BRIP1: variants seen among roughly 807,000 people sequenced by gnomAD.
BRIP1 encodes BRCA1 interacting DNA helicase 1, also known as Fanconi anemia group J protein.
In BRIP1, 88 loss-of-function variants were observed where a neutral mutation model predicts 119.7. The ratio of observed to expected loss-of-function variants is 0.74; its 90% CI spans 0.62 to 0.88. The LOEUF (loss-of-function observed/expected upper bound fraction) is 0.88, where lower values mean the gene tolerates loss of function less well. Among genes scored for constraint, BRIP1 ranks in the 40% least tolerant of loss-of-function variants. The probability of loss-of-function intolerance (pLI) is 0.00; values close to 1 mark genes in which losing one functional copy is unlikely to be tolerated. For synonymous variants in BRIP1, 443 were observed against 496.5 expected, an observed-to-expected ratio of 0.89 and a Z score of 1.43; for missense variants, 1,259 against 1,455.4, an observed-to-expected ratio of 0.87 and a Z score of 2.20.
intron 17 of BRIP1, among the ~76,000 whole-genome samples, chr17:61,696,270 A>G (rs1448578127): frequency 6.6e-6 from 1 of 150,710 alleles, no homozygotes; most frequent in Non-Finnish European, 1.5e-5. Flanking sequence ...TATTACATTA[A>G]TTGATTTTAT....
intron 11 of BRIP1, 71 bp downstream of exon 11, chr17:61,784,199 A>G: frequency 7.1e-7 from 1 of 1,404,838 alleles, no homozygotes; most frequent in Non-Finnish European, 1.0e-6. Flanking sequence ...ATAGGTATGT[A>G]TTAAACACAT....
chr17:61,784,571 A>G, intron 10 of BRIP1, 147 bp from the exon 11 acceptor site: 2 of 777,910 alleles, frequency 2.6e-6, no homozygotes, highest in Non-Finnish European at 4.2e-6. Context: ...GACTTCTCCA[A>G]ATCTGATATT....
rs2078433011 is a variant in BRIP1 at position 61,827,856 on chromosome 17, C to T, written c.628-19099G>A. On this transcript the variant is annotated intron_variant, in intron 6 of 19. Coordinates refer to ENST00000259008, the MANE Select transcript of BRIP1 (RefSeq NM_032043.3). The surrounding 1 kb of genome is among the most constrained non-coding windows in gnomAD (Gnocchi z 5.8). ...TGCAAATCAAAAACACAAGATACCACTTCACACCCTTAAAAATGGCTATTC... is the reference window on the plus strand; with the variant it reads ...TGCAAATCAAAAACACAAGATACCATTTCACACCCTTAAAAATGGCTATTC... Among the ~76,000 whole-genome samples the T allele has an allele frequency of 6.6e-6, 1 of 152,168 alleles. No individual in the cohort carries two copies. The highest frequency in any genetic ancestry group is 6.5e-5 in the Admixed American group (1 of 15,270).
chr17:61,683,426 T>A lies in BRIP1; in HGVS notation c.3620A>T (p.Asp1207Val), dbSNP rs139539831. 1.2e-6 allele frequency: 2 copies of A among 1,613,584 alleles called. No homozygotes were observed. The highest frequency in any genetic ancestry group is 1.7e-6 in the Non-Finnish European group (2 of 1,179,814). The change falls in exon 20 of 20, where the codon GAT becomes GTT. Residue 1207 changes from aspartate to valine, a missense_variant. Asp to Val is a radical substitution (Grantham distance 152, BLOSUM62 -3). Around this residue, in one of 3 missense-constraint regions of BRIP1, gnomAD observed 753 missense variants for 891.8 expected, o/e 0.84. Transcript: ENST00000259008. This position sits in a 1 kb window ranked among gnomAD's most constrained non-coding sequence, Gnocchi z 4.7. ...TGTTTTTACATTACCATCAATGTCATCAATTTTACTTTCTTCAATATGCAG... is the reference window on the plus strand; with the variant it reads ...TGTTTTTACATTACCATCAATGTCAACAATTTTACTTTCTTCAATATGCAG... Reference protein sequence around the residue: ...GILHIEESKIDDIDGNVKTTW... With the variant: ...GILHIEESKIVDIDGNVKTTW...
In BRIP1 at chr17:61,794,613, A is replaced by G. The variant is rs1432168193; in HGVS notation, c.1341-884T>C. Among the ~76,000 whole-genome samples, 2 of 151,902 alleles carry G rather than the reference A, an allele frequency of 1.3e-5. No homozygotes were observed. The highest frequency in any genetic ancestry group is 4.8e-5 in the African/African-American group (2 of 41,372). ...AGGCTTAATACCTGGGTGATGAAATAATATGTACAACAAACCCCCATAACA... is the reference window on the plus strand; with the variant it reads ...AGGCTTAATACCTGGGTGATGAAATGATATGTACAACAAACCCCCATAACA... On this transcript the variant is annotated intron_variant, in intron 9 of 19. Coordinates refer to ENST00000259008, the MANE Select transcript of BRIP1 (RefSeq NM_032043.3). This position sits in a 1 kb window ranked among gnomAD's most constrained non-coding sequence, Gnocchi z 4.3.
At position 61,780,448 on chromosome 17, in the gene BRIP1, C is replaced by G. The variant is rs4988351; in HGVS notation, c.1795-47G>C. The G allele has an allele frequency of 0.75, 1,161,824 of 1,550,092 alleles. 438,318 individuals are homozygous for G. Among genetic ancestry groups the G allele is most frequent in the African/African-American group, 0.86 (62,957 of 73,498 alleles). On this transcript the variant is annotated intron_variant, in intron 12 of 19. Transcript: ENST00000259008. This position sits in a 1 kb window ranked among gnomAD's most constrained non-coding sequence, Gnocchi z 5.4. ...TAAATAAAATTATCTTTAGAAGAGG[C>G]TGGGCAAAGTGGCTCACACCTGTAA... is the stretch of plus-strand genomic sequence containing the variant.
Position 61,827,489 on chromosome 17 carries a change from G to C in BRIP1, c.628-18732C>G, listed in dbSNP as rs978697061. On this transcript the variant is annotated intron_variant, in intron 6 of 19. Coordinates refer to ENST00000259008, the MANE Select transcript of BRIP1 (RefSeq NM_032043.3). This position sits in a 1 kb window ranked among gnomAD's most constrained non-coding sequence, Gnocchi z 5.8. ...TACACCTGTAATCTCAGTACTTTGA[G>C]AGGTAAGGCAGGAGGATCACTTGAG... Among the ~76,000 whole-genome samples the C allele has an allele frequency of 1.3e-5, 2 of 152,164 alleles. No individual in the cohort carries two copies. Among genetic ancestry groups the C allele is most frequent in the Non-Finnish European group, 2.9e-5 (2 of 68,036 alleles).
In BRIP1 at chr17:61,703,519, T is replaced by C. The variant is rs544066036; in HGVS notation, c.2493-10007A>G. The stretch of plus-strand genomic sequence containing the variant: ...TTTTTTGCTTGTCAATTTAAGTTCC[T>C]TATGGATTCTGGATATTAGACGTTT... On this transcript the variant is annotated intron_variant, in intron 17 of 19. Coordinates refer to ENST00000259008, the MANE Select transcript of BRIP1 (RefSeq NM_032043.3). This position sits in a 1 kb window ranked among gnomAD's most constrained non-coding sequence, Gnocchi z 5.0. 3.9e-5 allele frequency among the ~76,000 whole-genome samples: 6 copies of C among 152,232 alleles called. No individual in the cohort carries two copies. The highest frequency in any genetic ancestry group is 8.8e-5 in the Non-Finnish European group (6 of 68,036).
In BRIP1 at chr17:61,793,530, G is replaced by C. The variant is rs972115762; in HGVS notation, c.1473+67C>G. The C allele has an allele frequency of 2.7e-6, 4 of 1,469,744 alleles. No homozygotes were observed. The African/African-American group carries it at 4.2e-5, about 15-fold the overall frequency. 91.0% of individuals were successfully genotyped at this position (1,469,744 alleles called of 1,614,324 possible). On this transcript the variant is annotated intron_variant, in intron 10 of 19. Coordinates refer to ENST00000259008, the MANE Select transcript of BRIP1 (RefSeq NM_032043.3). This position sits in a 1 kb window ranked among gnomAD's most constrained non-coding sequence, Gnocchi z 5.2. ...TGGGTTACTCACTAGATTTAATCTGGATTTAGTCACGACTAAATCACTTCT... is the reference window on the plus strand; with the variant it reads ...TGGGTTACTCACTAGATTTAATCTGCATTTAGTCACGACTAAATCACTTCT...
In BRIP1 at chr17:61,855,218, G is replaced by C. The variant is rs557055271; in HGVS notation, c.379+1840C>G. 5.9e-5 allele frequency among the ~76,000 whole-genome samples: 9 copies of C among 152,274 alleles called. No homozygotes were observed. The South Asian group carries it at 1.9e-3, about 32-fold the overall frequency. On this transcript the variant is annotated intron_variant, in intron 4 of 19. Coordinates refer to ENST00000259008, the MANE Select transcript of BRIP1 (RefSeq NM_032043.3). ...TGGATAAAGTGAATATGGGGTTGGT[G>C]TGTATGTTCACTGTCTTGATTCTGG...
rs901255366 is a variant in BRIP1, at chr17:61,679,876, A to G, written c.*3420T>C. Among the ~76,000 whole-genome samples the G allele has an allele frequency of 3.3e-5, 5 of 152,136 alleles. No individual in the cohort carries two copies. Among genetic ancestry groups the G allele is most frequent in the African/African-American group, 1.2e-4 (5 of 41,414 alleles). On this transcript the variant is annotated 3_prime_UTR_variant, in exon 20 of 20. Coordinates refer to ENST00000259008, the MANE Select transcript of BRIP1 (RefSeq NM_032043.3). This position sits in a 1 kb window ranked among gnomAD's most constrained non-coding sequence, Gnocchi z 4.4. ...CCAGTAGTTTACTTCTTGGAATATC[A>G]TCTTGGTCAGTCATGATCTGAGGAG...
chr17:61,694,570 CTA>C (rs2061495696), intron 17 of BRIP1, among the ~76,000 whole-genome samples: 1 of 151,896 alleles, frequency 6.6e-6, no homozygotes, highest in Non-Finnish European at 1.5e-5. Flanking sequence ...TATAGTAATT[CTA>C]TGTTTAACTT....
In BRIP1 at chr17:61,689,205, G is replaced by A. The variant is rs528038124; in HGVS notation, c.2576-3040C>T. On this transcript the variant is annotated intron_variant, in intron 18 of 19. Transcript: ENST00000259008. The surrounding 1 kb of genome is among the most constrained non-coding windows in gnomAD (Gnocchi z 4.5). ...ACTACAGGCATGTACCACCACACCC[G>A]GCTAATTGTCGTATTTTTAGTAGAG... 1.3e-5 allele frequency among the ~76,000 whole-genome samples: 2 copies of A among 151,746 alleles called. No homozygotes were observed. The highest frequency in any genetic ancestry group is 2.1e-4 in the South Asian group (1 of 4,810).
chr17:61,696,432 T>C (rs1159149953), intron 17 of BRIP1, among the ~76,000 whole-genome samples: 1 of 152,114 alleles, frequency 6.6e-6, no homozygotes, highest in Non-Finnish European at 1.5e-5. Flanking sequence ...CGTAATGTAT[T>C]TTACTTGTTT....
rs2061511126 is a variant in BRIP1 at position 61,695,755 on chromosome 17, T to A, written c.2493-2243A>T. Among the ~76,000 whole-genome samples, 1 of 152,300 alleles carries A rather than the reference T, an allele frequency of 6.6e-6. No homozygotes were observed. The highest frequency in any genetic ancestry group is 2.4e-5 in the African/African-American group (1 of 41,576). ...TGATGTTATTTTAAATGGTATTTTT[T>A]AAGTTCATTTTTAGATTTTTGGCTG... On this transcript the variant is annotated intron_variant, in intron 17 of 19. Transcript: ENST00000259008. The surrounding 1 kb of genome is among the most constrained non-coding windows in gnomAD (Gnocchi z 4.3).
rs1476975935 is a variant in BRIP1, at chr17:61,705,330, C to G, written c.2492+10621G>C. ...TGTATATGTACCACATTTTCTTTAT[C>G]TAGTCCACCGTTGATAGGTATTTGA... On this transcript the variant is annotated intron_variant, in intron 17 of 19. Coordinates refer to ENST00000259008, the MANE Select transcript of BRIP1 (RefSeq NM_032043.3). The surrounding 1 kb of genome is among the most constrained non-coding windows in gnomAD (Gnocchi z 5.0). Among the ~76,000 whole-genome samples, 1 of 152,086 alleles carries G rather than the reference C, an allele frequency of 6.6e-6. No homozygotes were observed. The highest frequency in any genetic ancestry group is 1.5e-5 in the Non-Finnish European group (1 of 68,000).
rs1259021368 is a variant in BRIP1, at chr17:61,746,649, T to C, written c.2098-2058A>G. Among the ~76,000 whole-genome samples, 4 of 152,020 alleles carry C rather than the reference T, an allele frequency of 2.6e-5. No individual in the cohort carries two copies. The highest frequency in any genetic ancestry group is 9.7e-5 in the African/African-American group (4 of 41,410). ...ATTCACTGGGAATATTTAACAACTA[T>C]AAATATACACACAACCAACATCAGA... is the stretch of plus-strand genomic sequence containing the variant. On this transcript the variant is annotated intron_variant, in intron 14 of 19. Coordinates refer to ENST00000259008, the MANE Select transcript of BRIP1 (RefSeq NM_032043.3). This position sits in a 1 kb window ranked among gnomAD's most constrained non-coding sequence, Gnocchi z 4.9.
chr17:61,787,823 T>C (rs529677568), intron 10 of BRIP1, among the ~76,000 whole-genome samples: 3 of 152,154 alleles, frequency 2.0e-5, no homozygotes, highest in Admixed American at 2.0e-4. Flanking sequence ...TTTTTGTATT[T>C]TTAGTAGAGA....
rs1214258910 is a variant in BRIP1 at position 61,834,099 on chromosome 17, T to C, written c.627+13002A>G. On this transcript the variant is annotated intron_variant, in intron 6 of 19. Transcript: ENST00000259008. The surrounding 1 kb of genome is among the most constrained non-coding windows in gnomAD (Gnocchi z 4.4). ...GCTGTATTCTGCCCATGGGTCATAG[T>C]TTGCCAACCACTGGCATAGGAAAAA... Among the ~76,000 whole-genome samples the C allele has an allele frequency of 6.6e-6, 1 of 152,130 alleles. No individual in the cohort carries two copies. The highest frequency in any genetic ancestry group is 1.5e-5 in the Non-Finnish European group (1 of 68,026).
Sources: gnomAD v4.1 joint callset for allele counts (sites outside exome capture counted in the v4.1 genomes callset) on GRCh38, gnomAD v4.1.1 for gene constraint, gnomAD v4.1.1 regional missense constraint, Gnocchi (gnomAD v3.1) non-coding constraint, MANE v1.5 for transcripts, NCBI Gene and HGNC (gene_info 2026-07-23, HGNC 2026-07-21) for gene names.